Variants in ABHD2 observed in about 807,000 individuals in gnomAD.
ABHD2 encodes the protein abhydrolase domain containing 2, acylglycerol lipase.
A neutral mutation model predicts 48.1 loss-of-function variants in ABHD2; 20 were observed. The ratio of observed to expected loss-of-function variants is 0.42; its 90% CI spans 0.29 to 0.60. The LOEUF (loss-of-function observed/expected upper bound fraction) is 0.60, where lower values mean the gene tolerates loss of function less well. ABHD2 is among the 20% of genes least tolerant of loss of function. The probability of loss-of-function intolerance (pLI) is 0.24; values close to 1 mark genes in which losing one functional copy is unlikely to be tolerated. For synonymous variants in ABHD2, 209 were observed against 214.2 expected (o/e 0.98, Z 0.21); for missense variants, 405 against 550.9 (o/e 0.74, Z 2.65).
chr15:89,083,809 T>C (rs904447229), upstream of ABHD2, among the ~76,000 whole-genome samples: 4 of 152,230 alleles, frequency 2.6e-5, no homozygotes, highest in Non-Finnish European at 5.9e-5. The surrounding 1 kb of genome is among the most constrained non-coding windows in gnomAD (Gnocchi z 5.1). Context: ...ATTTTTGAAT[T>C]TCATCATAGT....
chr15:89,135,950 G>A (rs1405811839), intron 3 of ABHD2: 1 of 443,522 alleles, frequency 2.3e-6, no homozygotes, highest in Non-Finnish European at 4.1e-6. Context: ...TTTTGAGATG[G>A]AGTTTCCCTT....
intron 6 of ABHD2, chr15:89,183,380 AAAAAAT>A (rs1400426709): frequency 5.4e-3 from 315 of 58,254 alleles, no homozygotes; most frequent in South Asian, 8.4e-3. Flanking sequence ...AAAAAAAAAA[AAAAAAT>A]ATATATATAT....
chr15:89,051,822 C>T, the ABHD2 span, among the ~76,000 whole-genome samples: 2 of 152,108 alleles, frequency 1.3e-5, no homozygotes, highest in African/African-American at 2.4e-5. Flanking sequence ...TATAAATTAC[C>T]CAGTCTCAGG....
the ABHD2 span, among the ~76,000 whole-genome samples, chr15:89,071,037 G>T: frequency 6.6e-6 from 1 of 151,982 alleles, no homozygotes; most frequent in Non-Finnish European, 1.5e-5. Flanking sequence ...TCCTCTCCAT[G>T]GGTCTGTTTT....
At chr15:89,193,574 G>T in intron 10 of ABHD2, 1 of 507,482 alleles carries the variant, frequency 2.0e-6, no homozygotes, top group Non-Finnish European at 3.5e-6. Context: ...AGGGCTTTGG[G>T]GAGTCACTTG....
rs144012642 is a variant in ABHD2 at position 89,099,192 on chromosome 15, A to G, written c.-107+10629A>G. On this transcript the variant is annotated intron_variant, in intron 1 of 10. Transcript: ENST00000352732. The stretch of plus-strand genomic sequence containing the variant: ...TGTCAACACAAATGCATTCTGTGAC[A>G]TGTTTGAGGAGTAAATGAGGTAATG... 1.2e-3 allele frequency among the ~76,000 whole-genome samples: 189 copies of G among 152,364 alleles called. 1 individual carries two copies. Among genetic ancestry groups the G allele is most frequent in the Middle Eastern group, 0.01 (3 of 294 alleles).
In ABHD2 at chr15:89,175,178, A is replaced by T. The variant is rs2050992166; in HGVS notation, c.539-634A>T. ...GGTATAGCATCCCAATTTGTAGCCT[A>T]GGAAGCTAATCTCAAAGGATTTTGC... On this transcript the variant is annotated intron_variant, in intron 5 of 10. Coordinates refer to ENST00000352732, the MANE Select transcript of ABHD2 (RefSeq NM_152924.5). The surrounding 1 kb of genome is among the most constrained non-coding windows in gnomAD (Gnocchi z 5.7). Among the ~76,000 whole-genome samples the T allele has an allele frequency of 6.6e-6, 1 of 152,208 alleles. No homozygotes were observed. The highest frequency in any genetic ancestry group is 2.1e-4 in the South Asian group (1 of 4,828).
the ABHD2 span, among the ~76,000 whole-genome samples, chr15:89,077,071 A>G: frequency 5.9e-5 from 9 of 152,174 alleles, no homozygotes; most frequent in African/African-American, 2.2e-4. Flanking sequence ...ATGAATTTTC[A>G]TAAGTGAACA....
chr15:89,183,368 C>CAAAAAAAAAA (rs1233981139), intron 6 of ABHD2: 5 of 61,878 alleles, frequency 8.1e-5, no homozygotes, highest in Non-Finnish European at 1.3e-4. Flanking sequence ...CAGTCCTTTT[C>CAAAAAAAAAA]AAAAAAAAAA....
Position 89,155,625 on chromosome 15 carries a change from C to A in ABHD2, c.538+91C>A. On this transcript the variant is annotated intron_variant, in intron 5 of 10. Coordinates refer to ENST00000352732, the MANE Select transcript of ABHD2 (RefSeq NM_152924.5). This position sits in a 1 kb window ranked among gnomAD's most constrained non-coding sequence, Gnocchi z 4.9. Reference sequence around the variant, plus strand: ...GTTTTTTCTTTTTTTAAGTTTTAAACCTATGCCCATCTGCAAGAGATGGTA... The same window carrying A: ...GTTTTTTCTTTTTTTAAGTTTTAAAACTATGCCCATCTGCAAGAGATGGTA... 1 of 1,476,108 alleles carries A rather than the reference C, an allele frequency of 6.8e-7. No individual in the cohort carries two copies. Among genetic ancestry groups the A allele is most frequent in the Non-Finnish European group, 9.1e-7 (1 of 1,093,958 alleles). 91.4% of individuals were successfully genotyped at this position (1,476,108 alleles called of 1,614,324 possible). A position where few individuals can be genotyped will look rare whatever the true frequency, so the allele number is the denominator to read the frequency against.
Position 89,180,000 on chromosome 15 carries a change from G to A in ABHD2, c.722+4005G>A, listed in dbSNP as rs1316036508. ...ACTTCAGGCTAGAGATGAGTTTATG[G>A]CAAAAGCAAATATTATTCATAAAGT... On this transcript the variant is annotated intron_variant, in intron 6 of 10. Transcript: ENST00000352732. This position sits in a 1 kb window ranked among gnomAD's most constrained non-coding sequence, Gnocchi z 4.3. Among the ~76,000 whole-genome samples the A allele has an allele frequency of 6.6e-6, 1 of 152,204 alleles. No homozygotes were observed. The highest frequency in any genetic ancestry group is 1.5e-5 in the Non-Finnish European group (1 of 68,032).
intron 3 of ABHD2, among the ~76,000 whole-genome samples, chr15:89,130,267 A>G (rs776823101): frequency 5.9e-5 from 9 of 152,312 alleles, no homozygotes; most frequent in South Asian, 2.1e-4. Context: ...GTTTATTTCA[A>G]TGGGCAGGAG....
At chr15:89,072,008 G>A in the ABHD2 span, among the ~76,000 whole-genome samples, 2 of 152,164 alleles carry the variant, frequency 1.3e-5, no homozygotes, top group African/African-American at 4.8e-5. Flanking sequence ...GAAACCCCCA[G>A]TCCTGGGCAA....
chr15:89,129,168 T>C (rs1169710100), intron 3 of ABHD2, among the ~76,000 whole-genome samples: 2 of 151,924 alleles, frequency 1.3e-5, no homozygotes, highest in Non-Finnish European at 2.9e-5. Flanking sequence ...CAAGACCAGA[T>C]GTGTAGATTC....
At chr15:89,076,181 TTTC>T in the ABHD2 span, among the ~76,000 whole-genome samples, 1 of 152,194 alleles carries the variant, frequency 6.6e-6, no homozygotes, top group Admixed American at 6.5e-5. Context: ...GAACGTTAGT[TTTC>T]TTCTTCTCTT....
the ABHD2 span, among the ~76,000 whole-genome samples, chr15:89,080,796 G>T: frequency 2.0e-5 from 3 of 150,838 alleles, no homozygotes; most frequent in Non-Finnish European, 4.4e-5. Flanking sequence ...CCAGGTTCAA[G>T]TGATTCTCCT....
chr15:89,128,134 T>C (rs796793118), intron 3 of ABHD2, among the ~76,000 whole-genome samples: 16 of 152,308 alleles, frequency 1.1e-4, no homozygotes, highest in African/African-American at 3.8e-4. Flanking sequence ...GGTAGGAACA[T>C]GTGATTGACA....
At position 89,151,641 on chromosome 15, in the gene ABHD2, T is replaced by G; in HGVS notation, c.195-36T>G. 5.7e-6 allele frequency: 9 copies of G among 1,577,514 alleles called. No individual in the cohort carries two copies. Among genetic ancestry groups the G allele is most frequent in the Non-Finnish European group, 7.8e-6 (9 of 1,159,794 alleles). On this transcript the variant is annotated intron_variant, in intron 3 of 10. Transcript: ENST00000352732. The surrounding 1 kb of genome is among the most constrained non-coding windows in gnomAD (Gnocchi z 4.7). The stretch of plus-strand genomic sequence containing the variant: ...ATTTTTCAGAACGTTGCTCAAGGAA[T>G]GTAGAGAAAATTGACCTCCCTTGTC...
the ABHD2 span, among the ~76,000 whole-genome samples, chr15:89,057,492 C>A: frequency 1.3e-5 from 2 of 152,156 alleles, no homozygotes; most frequent in Admixed American, 1.3e-4. Context: ...TCATGGTTAG[C>A]AAACAGCTGA....
Sources: gnomAD v4.1 joint callset for allele counts (sites outside exome capture counted in the v4.1 genomes callset) on GRCh38, gnomAD v4.1.1 for gene constraint, Gnocchi (gnomAD v3.1) non-coding constraint, MANE v1.5 for transcripts, NCBI Gene and HGNC (gene_info 2026-07-23, HGNC 2026-07-21) for gene names.